Variants in CHN2 observed in about 807,000 individuals in gnomAD.
CHN2 encodes beta-chimaerin.
In CHN2, 35 loss-of-function variants were observed where a neutral mutation model predicts 56.3. That is an observed-to-expected ratio of 0.62 (90% CI 0.47 to 0.82). The LOEUF (loss-of-function observed/expected upper bound fraction) is 0.82, where lower values mean the gene tolerates loss of function less well. Among genes scored for constraint, CHN2 ranks in the 40% least tolerant of loss-of-function variants. The pLI is 0.00. For missense variants in CHN2, 491 were observed against 580.5 expected, an observed-to-expected ratio of 0.85 and a Z score of 1.58; for synonymous variants, 210 against 212.8, an observed-to-expected ratio of 0.99 and a Z score of 0.12.
intron 1 of CHN2, among the ~76,000 whole-genome samples, chr7:29,211,062 T>G (rs1357234833): frequency 2.6e-5 from 2 of 76,588 alleles, no homozygotes; most frequent in African/African-American, 1.0e-4. Flanking sequence ...GTGTTTTGTT[T>G]TTTTTTTTGT....
chr7:29,335,287 C>T (rs1796530930), intron 1 of CHN2, among the ~76,000 whole-genome samples: 1 of 152,160 alleles, frequency 6.6e-6, no homozygotes, highest in African/African-American at 2.4e-5. Flanking sequence ...CCTGAAAAGC[C>T]AAAGGTTGCA....
chr7:29,300,594 A>G (rs1399309519), intron 1 of CHN2, among the ~76,000 whole-genome samples: 6 of 152,240 alleles, frequency 3.9e-5, no homozygotes, highest in Admixed American at 6.5e-5. Context: ...ACAAAATGAT[A>G]TGGTGGGTCA....
intron 5 of CHN2, 33 bp downstream of exon 5, chr7:29,398,519 T>A (rs763859577): frequency 1.5e-6 from 2 of 1,356,816 alleles, no homozygotes; most frequent in East Asian, 4.6e-5. Flanking sequence ...TTTTCATTGC[T>A]GTACAAGTGG....
intron 6 of CHN2, chr7:29,445,023 G>C (rs1036715739): frequency 2.4e-6 from 1 of 425,032 alleles, no homozygotes; most frequent in African/African-American, 2.0e-5. Flanking sequence ...AGAATGAAGA[G>C]ATAGAGACAG....
chr7:29,509,274 A>C, intron 11 of CHN2, 27 bp from the exon 12 acceptor site: 1 of 1,550,180 alleles, frequency 6.5e-7, no homozygotes. Context: ...ACTCTGAACT[A>C]ATACCCATCA....
intron 9 of CHN2, among the ~76,000 whole-genome samples, chr7:29,502,275 G>A (rs1048780783): frequency 1.3e-5 from 2 of 152,150 alleles, no homozygotes; most frequent in Admixed American, 6.5e-5. Flanking sequence ...TTCCACCGTG[G>A]CAGGAACCCA....
At chr7:29,433,182 A>G (rs1782974631) in intron 6 of CHN2, among the ~76,000 whole-genome samples, 1 of 152,140 alleles carries the variant, frequency 6.6e-6, no homozygotes. Context: ...TTTTTGTTAC[A>G]CTTTGGCAAA....
intron 6 of CHN2, among the ~76,000 whole-genome samples, chr7:29,457,448 C>A (rs1350920070): frequency 6.6e-6 from 1 of 152,146 alleles, no homozygotes; most frequent in Non-Finnish European, 1.5e-5. Context: ...AATCTGAGAA[C>A]GAGATTCTGG....
intron 12 of CHN2, among the ~76,000 whole-genome samples, chr7:29,512,250 T>TACAAAC (rs1413729711): frequency 3.9e-5 from 6 of 152,010 alleles, no homozygotes; most frequent in African/African-American, 1.5e-4. Context: ...CTGCTGCCCC[T>TACAAAC]ACAAACCAGT....
intron 1 of CHN2, among the ~76,000 whole-genome samples, chr7:29,305,653 TA>T (rs1794081310): frequency 6.6e-6 from 1 of 152,332 alleles, no homozygotes; most frequent in African/African-American, 2.4e-5. Context: ...AAAAGCCTGA[TA>T]AAGTTTACTT....
intron 1 of CHN2, among the ~76,000 whole-genome samples, chr7:29,338,670 C>A (rs1431667557): frequency 1.3e-5 from 2 of 152,162 alleles, no homozygotes. Context: ...CCTCCATCTC[C>A]CAGGTTCAAG....
intron 6 of CHN2, among the ~76,000 whole-genome samples, chr7:29,466,345 CTA>C (rs1356355723): frequency 6.6e-6 from 1 of 152,050 alleles, no homozygotes; most frequent in African/African-American, 2.4e-5. Context: ...TGGAGCGAAT[CTA>C]TGTTATATGA....
intron 1 of CHN2, among the ~76,000 whole-genome samples, chr7:29,316,787 G>A (rs1016726): frequency 0.12 from 18,961 of 152,044 alleles, 1,329 homozygotes; most frequent in East Asian, 0.2. Flanking sequence ...AAGCTTTCTA[G>A]AGTATGGAGT....
intron 1 of CHN2, among the ~76,000 whole-genome samples, chr7:29,260,820 G>A (rs1436434284): frequency 6.6e-6 from 1 of 152,168 alleles, no homozygotes; most frequent in Non-Finnish European, 1.5e-5. Flanking sequence ...TCTCCCAATA[G>A]CAGAGGAAAG....
chr7:29,208,698 T>C (rs117144606), intron 1 of CHN2: 2,038 of 152,378 alleles, frequency 0.013, 17 homozygotes, highest in Non-Finnish European at 0.019. Context: ...CCAACACATA[T>C]AACACATTCA....
chr7:29,493,391 A>G (rs1397387650), intron 7 of CHN2, among the ~76,000 whole-genome samples: 1 of 152,178 alleles, frequency 6.6e-6, no homozygotes, highest in Non-Finnish European at 1.5e-5. Context: ...ATGCATGACC[A>G]TACTTTTTGT....
chr7:29,263,154 G>C (rs532743802), intron 1 of CHN2, among the ~76,000 whole-genome samples: 1 of 152,154 alleles, frequency 6.6e-6, no homozygotes, highest in African/African-American at 2.4e-5. Flanking sequence ...TCAGCCTGCC[G>C]AGTGCCTGGG....
intron 1 of CHN2, among the ~76,000 whole-genome samples, chr7:29,208,622 C>T (rs1784699355): frequency 6.6e-6 from 1 of 152,130 alleles, no homozygotes. Flanking sequence ...CGGGCTAAGC[C>T]ATCTCTAACA....
chr7:29,235,255 TAC>T, intron 1 of CHN2, among the ~76,000 whole-genome samples: 1 of 152,144 alleles, frequency 6.6e-6, no homozygotes, highest in African/African-American at 2.4e-5. Context: ...AAAGAAGACA[TAC>T]ACACAGCCAA....
Sources: gnomAD v4.1 joint callset for allele counts (sites outside exome capture counted in the v4.1 genomes callset) on GRCh38, gnomAD v4.1.1 for gene constraint, MANE v1.5 for transcripts, NCBI Gene and HGNC (gene_info 2026-07-23, HGNC 2026-07-21) for gene names.